SNAPC3: variants seen among roughly 807,000 people sequenced by gnomAD.
SNAPC3 encodes small nuclear RNA activating complex polypeptide 3.
In SNAPC3, 56 loss-of-function variants were observed where a neutral mutation model predicts 47.7. The observed-to-expected ratio is 1.18, with a 90% CI of 0.95 to 1.47. The LOEUF (loss-of-function observed/expected upper bound fraction) is 1.47, where lower values mean the gene tolerates loss of function less well. Among genes scored for constraint, SNAPC3 ranks in the 40% most tolerant of loss-of-function variants. The pLI, the probability that SNAPC3 is intolerant of heterozygous loss-of-function variation, is 0.00. For synonymous variants in SNAPC3, 235 were observed against 189.9 expected (o/e 1.24, Z -1.95); for missense variants, 665 against 511.3 (o/e 1.30, Z -2.90).
At chr9:15,434,846 A>G (rs2032595684) in intron 3 of SNAPC3, among the ~76,000 whole-genome samples, 1 of 152,142 alleles carries the variant, frequency 6.6e-6, no homozygotes, top group Admixed American at 6.5e-5. Context: ...GTTGATAGAC[A>G]TTTGGGTTCT....
chr9:15,456,779 TA>T (rs2034830767), intron 7 of SNAPC3, among the ~76,000 whole-genome samples: 1 of 152,218 alleles, frequency 6.6e-6, no homozygotes, highest in African/African-American at 2.4e-5. Context: ...TTTATTTTTT[TA>T]AATGGTTTAC....
intron 2 of SNAPC3, among the ~76,000 whole-genome samples, chr9:15,427,642 C>T (rs1320371785): frequency 6.6e-6 from 1 of 152,218 alleles, no homozygotes; most frequent in African/African-American, 2.4e-5. Flanking sequence ...CCACGACGCC[C>T]AGCCCTTCAG....
Position 15,423,148 on chromosome 9 carries a change from T to G in SNAPC3, c.269T>G (p.Leu90Arg). Residue 90 changes from leucine to arginine, a missense_variant, in exon 1 of 9, where the codon CTG (leucine) becomes CGG (arginine). Coordinates refer to ENST00000380821, the MANE Select transcript of SNAPC3 (RefSeq NM_001039697.2). ...DREDAAVARD[L>R]DCSLEAAAEL... ...GAGGATGCCGCGGTGGCCAGGGATC[T>G]GGACTGCAGCCTGGAGGCGGCGGCT... The G allele has an allele frequency of 6.4e-7, 1 of 1,571,880 alleles. No homozygotes were observed. The highest frequency in any genetic ancestry group is 8.6e-7 in the Non-Finnish European group (1 of 1,168,478).
rs150145111 is a variant in SNAPC3 at position 15,438,866 on chromosome 9, C to G, written c.477+5230C>G. ...TGTATATCTGTTGGGTCTAATTGTT[C>G]TCGTTGTTCAAGTCTCCTGTTTCTT... is the stretch of plus-strand genomic sequence containing the variant. On this transcript the variant is annotated intron_variant, in intron 3 of 8. Coordinates refer to ENST00000380821, the MANE Select transcript of SNAPC3 (RefSeq NM_001039697.2). Among the ~76,000 whole-genome samples, 40 of 152,012 alleles carry G rather than the reference C, an allele frequency of 2.6e-4. No homozygotes were observed. The East Asian group carries it at 6.8e-3, about 26-fold the overall frequency.
chr9:15,441,596 T>C (rs1001056264), intron 3 of SNAPC3, among the ~76,000 whole-genome samples: 1 of 151,864 alleles, frequency 6.6e-6, no homozygotes, highest in African/African-American at 2.4e-5. Context: ...TGGTGATGAC[T>C]CTTAAGGAGC....
In SNAPC3 at chr9:15,451,650, G is replaced by A. The variant is rs557024095; in HGVS notation, c.815+248G>A. Among the ~76,000 whole-genome samples the A allele has an allele frequency of 9.9e-5, 15 of 152,020 alleles. 1 individual carries two copies. The highest frequency in any genetic ancestry group is 8.8e-5 in the Non-Finnish European group (6 of 67,992). ...AGGCTGTATAGCATGCTATAATCTC[G>A]CCTGTGAATACCCACTGCTTTCCAG... On this transcript the variant is annotated intron_variant, in intron 6 of 8. Coordinates refer to ENST00000380821, the MANE Select transcript of SNAPC3 (RefSeq NM_001039697.2).
chr9:15,452,741 T>C (rs1321755900), intron 6 of SNAPC3, among the ~76,000 whole-genome samples: 1 of 152,244 alleles, frequency 6.6e-6, no homozygotes, highest in East Asian at 1.9e-4. Flanking sequence ...ATTAATCTCA[T>C]TACATACTAA....
At chr9:15,437,112 A>C (rs2032893033) in intron 3 of SNAPC3, among the ~76,000 whole-genome samples, 1 of 152,132 alleles carries the variant, frequency 6.6e-6, no homozygotes, top group African/African-American at 2.4e-5. Context: ...GACGTGAGCC[A>C]CCGTGCCCAG....
At chr9:15,426,633 C>T (rs2031437417) in intron 2 of SNAPC3, among the ~76,000 whole-genome samples, 1 of 152,150 alleles carries the variant, frequency 6.6e-6, no homozygotes, top group South Asian at 2.1e-4. Flanking sequence ...TTAAAGCAGA[C>T]TCTTTTTTGC....
chr9:15,443,085 C>G (rs2033631646), intron 3 of SNAPC3, among the ~76,000 whole-genome samples: 1 of 152,162 alleles, frequency 6.6e-6, no homozygotes, highest in Non-Finnish European at 1.5e-5. Context: ...GCAGGAGAAT[C>G]AGGCAGGGAG....
chr9:15,464,019 CCA>C (rs1288531460), downstream of SNAPC3: 3 of 172,616 alleles, frequency 1.7e-5, no homozygotes, highest in Non-Finnish European at 3.8e-5. Flanking sequence ...ACCCAGAATT[CCA>C]TCACTTACTC....
At chr9:15,442,267 T>G (rs1410435694) in intron 3 of SNAPC3, among the ~76,000 whole-genome samples, 1 of 131,238 alleles carries the variant, frequency 7.6e-6, no homozygotes, top group African/African-American at 2.9e-5. Flanking sequence ...ACCTCCCTCC[T>G]GGATGGGGCG....
chr9:15,463,598 G>A (rs938154296), downstream of SNAPC3: 2 of 151,956 alleles, frequency 1.3e-5, no homozygotes, highest in African/African-American at 4.8e-5. Flanking sequence ...CACAAATTGA[G>A]CCAATGAACA....
rs575782854 is a variant in SNAPC3 at position 15,433,904 on chromosome 9, A to G, written c.477+268A>G. 9 of 257,526 alleles carry G rather than the reference A, an allele frequency of 3.5e-5. No individual in the cohort carries two copies. In the South Asian group the frequency reaches 1.1e-3, roughly 32 times the overall value. 16.0% of individuals were successfully genotyped at this position (257,526 alleles called of 1,614,324 possible). A position where few individuals can be genotyped will look rare whatever the true frequency, so the allele number is the denominator to read the frequency against. On this transcript the variant is annotated intron_variant, in intron 3 of 8. Coordinates refer to ENST00000380821, the MANE Select transcript of SNAPC3 (RefSeq NM_001039697.2). ...TATTAGGCTAAATTTATGCCTTTTC[A>G]CTACCCTATTTCTGGTCTTTTTGTT...
At chr9:15,429,249 A>G (rs1412679377) in intron 2 of SNAPC3, among the ~76,000 whole-genome samples, 1 of 152,192 alleles carries the variant, frequency 6.6e-6, no homozygotes, top group Non-Finnish European at 1.5e-5. Context: ...ATCTAACTGA[A>G]TGTTCTCAAA....
At chr9:15,441,878 C>G (rs1437504146) in intron 3 of SNAPC3, among the ~76,000 whole-genome samples, 1 of 152,248 alleles carries the variant, frequency 6.6e-6, no homozygotes, top group African/African-American at 2.4e-5. Context: ...CCGCCATCGT[C>G]ATCATGGCCC....
chr9:15,430,671 A>G (rs2032022511), intron 2 of SNAPC3, among the ~76,000 whole-genome samples: 1 of 152,178 alleles, frequency 6.6e-6, no homozygotes, highest in African/African-American at 2.4e-5. Flanking sequence ...TCTGCTTGTT[A>G]TTCCTTGCAG....
intron 2 of SNAPC3, among the ~76,000 whole-genome samples, chr9:15,432,768 A>G (rs1349298673): frequency 2.6e-5 from 4 of 152,224 alleles, no homozygotes; most frequent in African/African-American, 9.6e-5. Flanking sequence ...CCAATGAATA[A>G]ATGTAGAAGA....
At chr9:15,455,740 C>T (rs1290651651) in intron 7 of SNAPC3, among the ~76,000 whole-genome samples, 1 of 151,316 alleles carries the variant, frequency 6.6e-6, no homozygotes, top group African/African-American at 2.4e-5. Context: ...GCTCTGTTGC[C>T]TAGGCTGGAA....
Sources: gnomAD v4.1 joint callset for allele counts (sites outside exome capture counted in the v4.1 genomes callset) on GRCh38, gnomAD v4.1.1 for gene constraint, MANE v1.5 for transcripts, NCBI Gene and HGNC (gene_info 2026-07-23, HGNC 2026-07-21) for gene names.